Variants in SEC23B observed in about 807,000 individuals in gnomAD.
SEC23B encodes SEC23 homolog B, COPII component.
A neutral mutation model predicts 104.3 loss-of-function variants in SEC23B; 77 were observed. That is an observed-to-expected ratio of 0.74 (90% CI 0.61 to 0.89). SEC23B has a LOEUF of 0.89. SEC23B is among the 40% of genes least tolerant of loss of function. The pLI, the probability that SEC23B is intolerant of heterozygous loss-of-function variation, is 0.00. For synonymous variants in SEC23B, 338 were observed against 332.5 expected (o/e 1.02, Z -0.18); for missense variants, 885 against 949.4 (o/e 0.93, Z 0.89).
At chr20:18,532,531 AT>A (rs2060196267) in intron 10 of SEC23B, 132 bp from the exon 11 acceptor site, 1 of 760,706 alleles carries the variant, frequency 1.3e-6, no homozygotes, top group Non-Finnish European at 2.4e-6. Flanking sequence ...CTAAGCAGTT[AT>A]GATCCCTGTG....
intron 18 of SEC23B, among the ~76,000 whole-genome samples, chr20:18,554,701 C>T (rs1331052974): frequency 1.3e-5 from 2 of 151,950 alleles, no homozygotes; most frequent in Admixed American, 6.6e-5. Context: ...GTGGCGGGCA[C>T]CTGTAGTCCC....
intron 1 of SEC23B, chr20:18,510,046 C>T (rs1321235058): frequency 6.6e-6 from 1 of 152,212 alleles, no homozygotes. Flanking sequence ...GTATCCAGCT[C>T]TTTTCTCCAA....
Position 18,554,351 on chromosome 20 carries a change from G to C in SEC23B, c.2109G>C (p.Pro703=). The C allele has an allele frequency of 1.2e-6, 2 of 1,614,156 alleles. No individual in the cohort carries two copies. The highest frequency in any genetic ancestry group is 1.7e-6 in the Non-Finnish European group (2 of 1,180,032). Residue 703 remains proline, a synonymous_variant, in exon 18 of 20, where the codon CCG becomes CCC. Coordinates refer to ENST00000650089, the MANE Select transcript of SEC23B (RefSeq NM_006363.6). ...DAQEILQARF[P]MPRYINTEHG... ...AAGAAATTCTGCAAGCACGCTTCCC[G>C]ATGCCACGTTACATCAACACGGAGC...
chr20:18,511,728 T>G (rs2059983871), intron 2 of SEC23B, among the ~76,000 whole-genome samples: 1 of 152,226 alleles, frequency 6.6e-6, no homozygotes, highest in Non-Finnish European at 1.5e-5. Flanking sequence ...AACTGAAGCA[T>G]TATCTTGAAC....
chr20:18,515,903 G>A (rs950015431), intron 4 of SEC23B, 167 bp downstream of exon 4: 16 of 653,888 alleles, frequency 2.4e-5, no homozygotes, highest in Admixed American at 4.4e-5. Flanking sequence ...TTGTTTTCAA[G>A]TCCTGACATT....
chr20:18,512,647 C>T (rs1429559457), intron 3 of SEC23B, among the ~76,000 whole-genome samples: 1 of 152,130 alleles, frequency 6.6e-6, no homozygotes, highest in Non-Finnish European at 1.5e-5. Flanking sequence ...ATTTTCTGAT[C>T]TTTCTAACTT....
intron 4 of SEC23B, among the ~76,000 whole-genome samples, chr20:18,520,845 C>T (rs763240512): frequency 2.0e-5 from 3 of 151,882 alleles, no homozygotes; most frequent in Non-Finnish European, 4.4e-5. Flanking sequence ...CTGAGGCGAT[C>T]AGGCAGCGTC....
chr20:18,508,932 G>T (rs1316887273), intron 1 of SEC23B, among the ~76,000 whole-genome samples: 1 of 152,120 alleles, frequency 6.6e-6, no homozygotes, highest in East Asian at 1.9e-4. Context: ...TGTTGGCCAG[G>T]CTGGTCTTGA....
intron 4 of SEC23B, among the ~76,000 whole-genome samples, chr20:18,518,625 TGAGTG>T (rs1466398969): frequency 1.5e-5 from 2 of 131,430 alleles, no homozygotes; most frequent in Non-Finnish European, 3.1e-5. Flanking sequence ...CCATCTGCCT[TGAGTG>T]GAGAGGGATT....
intron 12 of SEC23B, among the ~76,000 whole-genome samples, chr20:18,536,183 A>T (rs1310211819): frequency 6.6e-6 from 1 of 152,246 alleles, no homozygotes; most frequent in Non-Finnish European, 1.5e-5. Context: ...CTGTGGGTTC[A>T]GTTCCAGACT....
At chr20:18,538,195 C>T (rs1292882216) in intron 12 of SEC23B, among the ~76,000 whole-genome samples, 2 of 151,824 alleles carry the variant, frequency 1.3e-5, no homozygotes, top group South Asian at 2.1e-4. Flanking sequence ...CCTGCCTCAG[C>T]TCCCAAAGTG....
intron 3 of SEC23B, 28 bp from the exon 4 acceptor site, chr20:18,515,622 C>T (rs757331007): frequency 1.1e-5 from 15 of 1,330,218 alleles, no homozygotes; most frequent in Admixed American, 1.7e-5. Context: ...TTATGCCAAC[C>T]CTAATAAAAC....
intron 1 of SEC23B, among the ~76,000 whole-genome samples, chr20:18,508,713 C>CTGCT (rs1600221758): frequency 3.6e-5 from 2 of 55,528 alleles, no homozygotes; most frequent in Non-Finnish European, 7.6e-5. Context: ...GAGGCAGTAG[C>CTGCT]TTCTTTTTTT....
intron 13 of SEC23B, among the ~76,000 whole-genome samples, chr20:18,542,655 GAGAC>G (rs1450198377): frequency 6.6e-6 from 1 of 152,054 alleles, no homozygotes; most frequent in East Asian, 1.9e-4. Context: ...TTATCATCTG[GAGAC>G]AGTCTCGCTC....
chr20:18,515,387 T>G (rs2060015727), intron 3 of SEC23B, among the ~76,000 whole-genome samples: 1 of 152,156 alleles, frequency 6.6e-6, no homozygotes, highest in Non-Finnish European at 1.5e-5. Context: ...CATGGCTCAC[T>G]GCAGCCTTAA....
At chr20:18,530,574 G>A in intron 9 of SEC23B, 106 bp from the exon 10 acceptor site, 1 of 1,298,290 alleles carries the variant, frequency 7.7e-7, no homozygotes, top group Middle Eastern at 2.7e-4. Context: ...CTCTTTTGGG[G>A]ACCTGGTTTC....
At chr20:18,558,514 TTTTC>T (rs745728841) in intron 19 of SEC23B, among the ~76,000 whole-genome samples, 3 of 152,194 alleles carry the variant, frequency 2.0e-5, no homozygotes, top group African/African-American at 4.8e-5. Flanking sequence ...ACCTGCTCTC[TTTTC>T]TTTCTTTCTT....
intron 4 of SEC23B, among the ~76,000 whole-genome samples, chr20:18,518,911 A>G (rs2060058371): frequency 6.6e-6 from 1 of 152,170 alleles, no homozygotes; most frequent in African/African-American, 2.4e-5. Flanking sequence ...TTCTGCCTAT[A>G]TAACAGCATG....
intron 4 of SEC23B, 129 bp from the exon 5 acceptor site, chr20:18,524,304 A>G (rs370275179): frequency 1.3e-6 from 1 of 760,670 alleles, no homozygotes; most frequent in Non-Finnish European, 2.4e-6. Context: ...AGAGCTTTGT[A>G]TAGATGTCCT....
Sources: allele counts gnomAD v4.1 joint callset (sites outside exome capture counted in the v4.1 genomes callset), GRCh38; gene constraint gnomAD v4.1.1; transcripts MANE v1.5; gene names NCBI Gene and HGNC (gene_info 2026-07-23, HGNC 2026-07-21).